The following POLR3B variants were observed in gnomAD, a reference collection of about 807,000 sequenced individuals.
POLR3B encodes the protein RNA polymerase III subunit B, also known as DNA-directed RNA polymerase III subunit RPC2.
POLR3B carries 96 observed loss-of-function variants against 147.4 expected under a neutral mutation model. The ratio of observed to expected loss-of-function variants is 0.65; its 90% CI spans 0.55 to 0.77. The LOEUF is 0.77. POLR3B is among the 30% of genes least tolerant of loss of function. The pLI is 0.00. For missense variants in POLR3B, 1,036 were observed against 1,413.5 expected, an observed-to-expected ratio of 0.73 and a Z score of 4.28; for synonymous variants, 461 against 485.9, an observed-to-expected ratio of 0.95 and a Z score of 0.67.
At chr12:106,442,785 G>A (rs1298519410) in intron 18 of POLR3B, among the ~76,000 whole-genome samples, 1 of 151,978 alleles carries the variant, frequency 6.6e-6, no homozygotes, top group Non-Finnish European at 1.5e-5. Context: ...ACACTTGAGG[G>A]AAAAATAGCG....
chr12:106,427,045 T>A lies in POLR3B; in HGVS notation c.1102-152T>A, dbSNP rs1593035072. 4 of 616,908 alleles carry A rather than the reference T, an allele frequency of 6.5e-6. No individual in the cohort carries two copies. The East Asian group carries it at 1.1e-4, about 17-fold the overall frequency. The allele number at this position is 616,908 out of a possible 1,614,324, so 38.2% of individuals were successfully genotyped here. On this transcript the variant is annotated intron_variant, in intron 12 of 27. Coordinates refer to ENST00000228347, the MANE Select transcript of POLR3B (RefSeq NM_018082.6). ...AAGCACATAGAAAATTATGTACATA[T>A]CTGTCAAACTGAATTTGAAAATAGC...
intron 2 of POLR3B, 144 bp from the exon 3 acceptor site, chr12:106,366,372 G>T (rs2036535959): frequency 1.5e-6 from 1 of 681,340 alleles, no homozygotes. Flanking sequence ...TAAAATTCAT[G>T]GATTATTTTT....
At chr12:106,462,718 C>G (rs1034346788) in intron 22 of POLR3B, among the ~76,000 whole-genome samples, 2 of 152,164 alleles carry the variant, frequency 1.3e-5, no homozygotes, top group Non-Finnish European at 2.9e-5. Context: ...AGGAAATCAC[C>G]TCTTATTCTC....
At chr12:106,401,999 T>G (rs1204640626) in intron 10 of POLR3B, among the ~76,000 whole-genome samples, 1 of 152,116 alleles carries the variant, frequency 6.6e-6, no homozygotes, top group African/African-American at 2.4e-5. Flanking sequence ...GAGTATTCAA[T>G]TAGGAAAAGA....
At chr12:106,419,736 A>G (rs2037349330) in intron 12 of POLR3B, among the ~76,000 whole-genome samples, 1 of 140,494 alleles carries the variant, frequency 7.1e-6, no homozygotes, top group African/African-American at 2.9e-5. Flanking sequence ...AATATCTATT[A>G]TATTACTGAA....
chr12:106,379,136 G>A (rs1208520319), intron 8 of POLR3B, among the ~76,000 whole-genome samples: 2 of 152,182 alleles, frequency 1.3e-5, no homozygotes, highest in South Asian at 2.1e-4. Flanking sequence ...TGTCACCTCA[G>A]TCCTCCAAGA....
intron 25 of POLR3B, among the ~76,000 whole-genome samples, chr12:106,498,175 G>A (rs540886656): frequency 2.2e-4 from 33 of 152,336 alleles, no homozygotes; most frequent in Admixed American, 2.0e-3. Context: ...AGGGTGAGAA[G>A]GATAGGGCAT....
intron 23 of POLR3B, among the ~76,000 whole-genome samples, chr12:106,476,962 A>G (rs1390743497): frequency 1.3e-5 from 2 of 151,106 alleles, no homozygotes; most frequent in African/African-American, 4.9e-5. Context: ...TAGAGTTTCC[A>G]GTTTTTCTGT....
intron 12 of POLR3B, among the ~76,000 whole-genome samples, chr12:106,426,132 G>C (rs914035803): frequency 6.6e-6 from 1 of 151,778 alleles, no homozygotes; most frequent in Non-Finnish European, 1.5e-5. Context: ...CAGCAGCACT[G>C]TCATCTCCTG....
chr12:106,441,399 A>C, intron 18 of POLR3B, among the ~76,000 whole-genome samples: 1 of 152,206 alleles, frequency 6.6e-6, no homozygotes, highest in East Asian at 1.9e-4. Flanking sequence ...CTGTATGCTA[A>C]AGCCTATTGC....
At chr12:106,368,410 A>C (rs936569368) in intron 4 of POLR3B, among the ~76,000 whole-genome samples, 1 of 152,074 alleles carries the variant, frequency 6.6e-6, no homozygotes, top group Non-Finnish European at 1.5e-5. Flanking sequence ...CATATATTAA[A>C]AACCATGCAG....
chr12:106,462,992 C>T (rs1173354188), intron 22 of POLR3B, among the ~76,000 whole-genome samples: 1 of 152,068 alleles, frequency 6.6e-6, no homozygotes, highest in Non-Finnish European at 1.5e-5. Context: ...GGTGCAGTAA[C>T]TGTCTACTTA....
chr12:106,482,611 T>A (rs969465622), intron 23 of POLR3B, among the ~76,000 whole-genome samples: 8 of 152,062 alleles, frequency 5.3e-5, no homozygotes, highest in African/African-American at 1.4e-4. Context: ...TGATCCAATC[T>A]CCTCCCACCA....
At chr12:106,368,573 T>A (rs567401148) in intron 4 of POLR3B, among the ~76,000 whole-genome samples, 1 of 152,286 alleles carries the variant, frequency 6.6e-6, no homozygotes, top group African/African-American at 2.4e-5. Flanking sequence ...TAAATAAAGT[T>A]TCAGAATTAT....
chr12:106,507,967 A>G (rs553287537), intron 27 of POLR3B, among the ~76,000 whole-genome samples: 52 of 152,308 alleles, frequency 3.4e-4, no homozygotes, highest in African/African-American at 1.1e-3. Flanking sequence ...CAAGATTCTG[A>G]TAAGGGCAGA....
At chr12:106,386,457 TTGAAGATGCATAG>T (rs1290833186) in intron 9 of POLR3B, among the ~76,000 whole-genome samples, 1 of 152,120 alleles carries the variant, frequency 6.6e-6, no homozygotes, top group African/African-American at 2.4e-5. Flanking sequence ...TTATAGACAC[TTGAAGATGCATAG>T]TACTCTTTCT....
At chr12:106,428,194 C>T (rs562490370) in intron 13 of POLR3B, among the ~76,000 whole-genome samples, 30 of 152,250 alleles carry the variant, frequency 2.0e-4, no homozygotes, top group Admixed American at 8.5e-4. Context: ...AGGTGGATCC[C>T]TGAATATTTG....
intron 6 of POLR3B, among the ~76,000 whole-genome samples, chr12:106,371,097 C>G (rs2136889365): frequency 6.6e-6 from 1 of 152,176 alleles, no homozygotes; most frequent in East Asian, 1.9e-4. Flanking sequence ...GGTTTAAATC[C>G]TGGTTTAAAG....
intron 10 of POLR3B, among the ~76,000 whole-genome samples, 172 bp downstream of exon 10, chr12:106,393,325 A>G (rs1234133228): frequency 2.0e-5 from 3 of 152,158 alleles, no homozygotes; most frequent in African/African-American, 7.2e-5. Context: ...GTTTGGAGGA[A>G]GGAGTTTGCC....
Sources: allele counts gnomAD v4.1 joint callset (sites outside exome capture counted in the v4.1 genomes callset), GRCh38; gene constraint gnomAD v4.1.1; transcripts MANE v1.5; gene names NCBI Gene and HGNC (gene_info 2026-07-23, HGNC 2026-07-21).